The following TENM4 variants were observed in gnomAD, a reference collection of about 807,000 sequenced individuals.
TENM4 encodes teneurin transmembrane protein 4, also known as teneurin-4.
A neutral mutation model predicts 243.3 loss-of-function variants in TENM4; 82 were observed. That is an observed-to-expected ratio of 0.34 (90% CI 0.28 to 0.40). The LOEUF (loss-of-function observed/expected upper bound fraction) is 0.40. TENM4 is among the 10% of genes least tolerant of loss of function. The pLI is 1.00. For missense variants in TENM4, 3,138 were observed against 3,673.3 expected (o/e 0.85, Z 3.77); for synonymous variants, 1,412 against 1,456.3 (o/e 0.97, Z 0.69).
chr11:79,333,483 A>G (rs1332801720), intron 1 of TENM4, among the ~76,000 whole-genome samples: 1 of 152,220 alleles, frequency 6.6e-6, no homozygotes, highest in East Asian at 1.9e-4. Flanking sequence ...CCAGAATGGA[A>G]AGTGATCTTT....
intron 4 of TENM4, among the ~76,000 whole-genome samples, chr11:79,136,938 G>C (rs1437903637): frequency 3.3e-5 from 5 of 152,098 alleles, no homozygotes; most frequent in Admixed American, 6.6e-5. Flanking sequence ...ACTTTGCAGG[G>C]CTGGGGCAAA....
At chr11:79,109,448 C>G (rs918584879) in intron 4 of TENM4, among the ~76,000 whole-genome samples, 5 of 152,102 alleles carry the variant, frequency 3.3e-5, no homozygotes, top group Non-Finnish European at 5.9e-5. Context: ...GCCCAGGGGA[C>G]AAGCCAAGGA....
chr11:79,152,908 C>G (rs1281918276), intron 3 of TENM4, among the ~76,000 whole-genome samples: 5 of 152,220 alleles, frequency 3.3e-5, no homozygotes, highest in Non-Finnish European at 7.3e-5. Flanking sequence ...AGCTGCCAAC[C>G]TTAAACTGAT....
rs746426859 is a variant in TENM4, at chr11:78,994,595, C to G, written c.493+70143G>C. Among the ~76,000 whole-genome samples, 30 of 152,332 alleles carry G rather than the reference C, an allele frequency of 2.0e-4. 2 individuals carry two copies. The Middle Eastern group carries it at 0.024, about 121-fold the overall frequency. ...AAAATCAGAAAATAGTAATTTCATACACTGTGTTCATTTTTACAATCGCTT... is the reference window on the plus strand; with the variant it reads ...AAAATCAGAAAATAGTAATTTCATAGACTGTGTTCATTTTTACAATCGCTT... On this transcript the variant is annotated intron_variant, in intron 6 of 33. Transcript: ENST00000278550.
intron 6 of TENM4, among the ~76,000 whole-genome samples, chr11:78,910,315 G>A (rs6592811): frequency 0.68 from 103,473 of 152,124 alleles, 35,571 homozygotes; most frequent in East Asian, 0.79. Context: ...ATGGTATTTA[G>A]TTATCATAAA....
At position 78,821,739 on chromosome 11, in the gene TENM4, T is replaced by C. The variant is rs115533488; in HGVS notation, c.1682-7344A>G. ...GGGTTATGACATCTGTTTAAAAATA[T>C]CTGAAACGTAATCAGGTGAAATAAG... On this transcript the variant is annotated intron_variant, in intron 12 of 33. Coordinates refer to ENST00000278550, the MANE Select transcript of TENM4 (RefSeq NM_001098816.3). 3.7e-3 allele frequency among the ~76,000 whole-genome samples: 571 copies of C among 152,338 alleles called. 5 individuals carry two copies. The highest frequency in any genetic ancestry group is 0.013 in the African/African-American group (556 of 41,578).
intron 19 of TENM4, among the ~76,000 whole-genome samples, chr11:78,751,864 T>G (rs551292078): frequency 1.3e-5 from 2 of 152,328 alleles, no homozygotes; most frequent in East Asian, 3.9e-4. Flanking sequence ...TTGGAGGTCC[T>G]GCAGACCTCA....
chr11:79,356,679 T>C (rs17829127), intron 1 of TENM4, among the ~76,000 whole-genome samples: 11,464 of 152,186 alleles, frequency 0.075, 544 homozygotes, highest in Middle Eastern at 0.13. Context: ...AAAATGGTGT[T>C]CACAAATGAG....
At chr11:79,274,548 A>G (rs137933879) in intron 2 of TENM4, among the ~76,000 whole-genome samples, 10 of 152,288 alleles carry the variant, frequency 6.6e-5, no homozygotes, top group African/African-American at 2.4e-4. Context: ...AAAATGGTTA[A>G]GAGAAGACCT....
intron 1 of TENM4, among the ~76,000 whole-genome samples, chr11:79,413,205 C>T (rs912646857): frequency 1.3e-5 from 2 of 152,200 alleles, no homozygotes; most frequent in Non-Finnish European, 2.9e-5. Context: ...ACCTTGTGTT[C>T]CAAATCTGCC....
chr11:78,991,566 T>C (rs1394206250), intron 6 of TENM4, among the ~76,000 whole-genome samples: 1 of 152,206 alleles, frequency 6.6e-6, no homozygotes, highest in Non-Finnish European at 1.5e-5. Context: ...TGAAGCCTTG[T>C]ATTAGACCAC....
Position 78,688,141 on chromosome 11 carries a change from G to A in TENM4, c.5173C>T (p.His1725Tyr), listed in dbSNP as rs1213263925. Residue 1725 changes from histidine to tyrosine, a missense_variant, in exon 29 of 34, where the codon CAT becomes TAT. Coordinates refer to ENST00000278550, the MANE Select transcript of TENM4 (RefSeq NM_001098816.3). ...SFRSDTDSSV[H>Y]VQVETSSKDD... The stretch of plus-strand genomic sequence containing the variant: ...TTGCTGGAGGTCTCTACCTGGACAT[G>A]CACTGAACTGTCTGTATCACTTCGG... The A allele has an allele frequency of 6.2e-7, 1 of 1,613,972 alleles. No individual in the cohort carries two copies. The highest frequency in any genetic ancestry group is 8.5e-7 in the Non-Finnish European group (1 of 1,179,878).
At chr11:78,976,807 T>C (rs1225753411) in intron 6 of TENM4, among the ~76,000 whole-genome samples, 5 of 152,210 alleles carry the variant, frequency 3.3e-5, no homozygotes, top group African/African-American at 7.2e-5. Context: ...AACTTTTTTT[T>C]TGATCCTAAA....
At chr11:78,844,793 GA>G (rs2136182489) in intron 12 of TENM4, among the ~76,000 whole-genome samples, 1 of 152,302 alleles carries the variant, frequency 6.6e-6, no homozygotes, top group African/African-American at 2.4e-5. Flanking sequence ...CCAGTACCTT[GA>G]TCTTGGATGT....
intron 7 of TENM4, among the ~76,000 whole-genome samples, chr11:78,893,878 T>C (rs1366722106): frequency 1.7e-4 from 26 of 151,430 alleles, no homozygotes; most frequent in Non-Finnish European, 2.6e-4. Context: ...GATTAGGAAG[T>C]GATAAACACA....
chr11:78,790,041 G>T (rs1029597361), intron 15 of TENM4, among the ~76,000 whole-genome samples: 1 of 152,126 alleles, frequency 6.6e-6, no homozygotes, highest in Non-Finnish European at 1.5e-5. Flanking sequence ...ACTAATTCAT[G>T]TATTCTTCTA....
intron 6 of TENM4, among the ~76,000 whole-genome samples, chr11:79,040,759 C>T (rs989215854): frequency 6.6e-6 from 1 of 152,126 alleles, no homozygotes; most frequent in Non-Finnish European, 1.5e-5. Context: ...TTTATTCTCT[C>T]ATCTAATTAG....
chr11:79,006,929 C>A (rs1274622262), intron 6 of TENM4, among the ~76,000 whole-genome samples: 2 of 152,208 alleles, frequency 1.3e-5, no homozygotes, highest in Non-Finnish European at 2.9e-5. Context: ...GGACTTCGAG[C>A]ACAGCAGATT....
intron 4 of TENM4, among the ~76,000 whole-genome samples, chr11:79,086,642 T>C (rs942282143): frequency 6.6e-6 from 1 of 152,120 alleles, no homozygotes; most frequent in Non-Finnish European, 1.5e-5. Flanking sequence ...AAGACCAGCC[T>C]GGCCAACATG....
Sources: gnomAD v4.1 joint callset for allele counts (sites outside exome capture counted in the v4.1 genomes callset) on GRCh38, gnomAD v4.1.1 for gene constraint, MANE v1.5 for transcripts, NCBI Gene and HGNC (gene_info 2026-07-23, HGNC 2026-07-21) for gene names.